The following KLF16 variants were observed in gnomAD, a reference collection of about 807,000 sequenced individuals.
KLF16 encodes KLF transcription factor 16.
A neutral mutation model predicts 6.1 loss-of-function variants in KLF16; 6 were observed. The ratio of observed to expected loss-of-function variants is 0.98; its 90% CI spans 0.54 to 1.93. The LOEUF is 1.93. KLF16 is among the 30% of genes most tolerant of loss of function. The pLI is 0.01. For synonymous variants in KLF16, 211 were observed against 176.5 expected, an observed-to-expected ratio of 1.20 and a Z score of -1.55; for missense variants, 355 against 363.8, an observed-to-expected ratio of 0.98 and a Z score of 0.20.
chr19:1,874,746 C>CAAAAAA, the KLF16 span: 261 of 41,988 alleles, frequency 6.2e-3, 26 homozygotes, highest in African/African-American at 0.012. Context: ...GTCAGAGTCC[C>CAAAAAA]AAAAAAAAAA....
At chr19:1,874,021 G>A in the KLF16 span, among the ~76,000 whole-genome samples, 1 of 152,250 alleles carries the variant, frequency 6.6e-6, no homozygotes, top group Non-Finnish European at 1.5e-5. Context: ...GGAGGGAGGG[G>A]CGGCCCCAAA....
At chr19:1,854,932 C>T (rs577626988) in intron 1 of KLF16, among the ~76,000 whole-genome samples, 172 bp from the exon 2 acceptor site, 2 of 152,220 alleles carry the variant, frequency 1.3e-5, no homozygotes, top group South Asian at 4.2e-4. Flanking sequence ...CCCTTACCCG[C>T]CCCCCGGTGG....
At chr19:1,870,770 C>T in the KLF16 span, among the ~76,000 whole-genome samples, 1 of 152,086 alleles carries the variant, frequency 6.6e-6, no homozygotes, top group East Asian at 1.9e-4. Flanking sequence ...CAGAGGCGGG[C>T]AGGTCACCTG....
intron 1 of KLF16, among the ~76,000 whole-genome samples, chr19:1,858,094 C>T (rs918955773): frequency 1.3e-5 from 2 of 152,088 alleles, no homozygotes; most frequent in African/African-American, 4.8e-5. Context: ...TTCCAAACCC[C>T]CTGCTGTTCC....
chr19:1,874,097 G>T, the KLF16 span, among the ~76,000 whole-genome samples: 1 of 152,218 alleles, frequency 6.6e-6, no homozygotes, highest in South Asian at 2.1e-4. Context: ...TGGATCAGAT[G>T]AAGTCGTCAA....
At chr19:1,876,083 G>A in the KLF16 span, 1 of 152,370 alleles carries the variant, frequency 6.6e-6, no homozygotes, top group Non-Finnish European at 1.5e-5. Flanking sequence ...ACCGGTACCT[G>A]GCTGGGTCCC....
intron 1 of KLF16, chr19:1,860,297 G>A (rs2012038870): frequency 6.6e-6 from 1 of 152,448 alleles, no homozygotes; most frequent in Non-Finnish European, 1.5e-5. Flanking sequence ...GGGAGAGAGA[G>A]CCGAGAGCTG....
intron 1 of KLF16, chr19:1,860,275 C>G (rs956380483): frequency 6.6e-6 from 1 of 152,402 alleles, no homozygotes; most frequent in African/African-American, 2.4e-5. Context: ...AGTCCTTCCC[C>G]GCCCCACGCA....
intron 1 of KLF16, among the ~76,000 whole-genome samples, chr19:1,856,955 T>TTGCC (rs2011963545): frequency 1.6e-4 from 4 of 25,512 alleles, no homozygotes; most frequent in Non-Finnish European, 3.3e-4. Context: ...GTTGCCGGGG[T>TTGCC]GGGGGGGGCG....
chr19:1,863,366 G>T lies in KLF16; in HGVS notation c.132C>A (p.Arg44=). 1 of 980,100 alleles carries T rather than the reference G, an allele frequency of 1.0e-6. No homozygotes were observed. The allele number at this position is 980,100 out of a possible 1,614,324, so 60.7% of individuals were successfully genotyped here. A position where few individuals can be genotyped will look rare whatever the true frequency, so the allele number is the denominator to read the frequency against. The change falls in exon 1 of 2, where the codon CGC becomes CGA. Residue 44 remains arginine, a synonymous_variant. Transcript: ENST00000250916. The part of the protein sequence containing the change: ...GAGPAAGLDV[R]AARREAASPG... ...GTGAGGCGGCCTCGCGGCGCGCCGC[G>T]CGCACATCCAGGCCGGCGGCGGGGC...
the KLF16 span, among the ~76,000 whole-genome samples, chr19:1,869,946 T>TC: frequency 4.2e-5 from 6 of 142,604 alleles, no homozygotes; most frequent in African/African-American, 1.7e-4. Flanking sequence ...TTTTTTTTTT[T>TC]TTTTTGAGAC....
rs1281993052 is a variant in KLF16, at chr19:1,857,163, AC to A, written c.458-2404del. The stretch of plus-strand genomic sequence containing the variant: ...CCCGCGCTTGGAGACTGAGGCGCGC[AC>A]ATGCGCACGTGGGTGGCGGGGCAGG... On this transcript the variant is annotated intron_variant, in intron 1 of 1. Coordinates refer to ENST00000250916, the MANE Select transcript of KLF16 (RefSeq NM_031918.4). The surrounding 1 kb of genome is among the most constrained non-coding windows in gnomAD (Gnocchi z 4.7). Among the ~76,000 whole-genome samples the A allele has an allele frequency of 6.6e-6, 1 of 151,960 alleles. No homozygotes were observed. The highest frequency in any genetic ancestry group is 2.4e-5 in the African/African-American group (1 of 41,292).
chr19:1,870,093 C>G, the KLF16 span, among the ~76,000 whole-genome samples: 2 of 151,548 alleles, frequency 1.3e-5, no homozygotes, highest in Admixed American at 6.6e-5. Context: ...CCACCAAACC[C>G]GGCTAATTTT....
At position 1,854,137 on chromosome 19, in the gene KLF16, G is replaced by T; in HGVS notation, c.*322C>A. On this transcript the variant is annotated 3_prime_UTR_variant, in exon 2 of 2. Coordinates refer to ENST00000250916, the MANE Select transcript of KLF16 (RefSeq NM_031918.4). ...ACTCCACCCCCCCAAACCCCACCCC[G>T]GGAGGGGGGCAGCAGGGGGTGGTGG... The T allele has an allele frequency of 3.4e-6, 1 of 296,078 alleles. No individual in the cohort carries two copies. 18.3% of individuals were successfully genotyped at this position (296,078 alleles called of 1,614,324 possible).
upstream of KLF16, among the ~76,000 whole-genome samples, chr19:1,867,075 C>G (rs1437428349): frequency 6.6e-6 from 1 of 152,192 alleles, no homozygotes; most frequent in Non-Finnish European, 1.5e-5. Context: ...ACAGACAGCA[C>G]CCAGGTGTTG....
upstream of KLF16, among the ~76,000 whole-genome samples, chr19:1,863,872 C>T (rs1019386789): frequency 7.4e-5 from 11 of 147,970 alleles, no homozygotes; most frequent in African/African-American, 2.2e-4. Context: ...GCGTCTTAGG[C>T]CCGGAGCGCG....
At chr19:1,875,580 A>G in the KLF16 span, 1 of 152,210 alleles carries the variant, frequency 6.6e-6, no homozygotes, top group African/African-American at 2.4e-5. Flanking sequence ...GTGCACCTGA[A>G]CACACTTTTG....
intron 1 of KLF16, among the ~76,000 whole-genome samples, chr19:1,856,932 CAAG>C (rs2011961734): frequency 2.2e-5 from 2 of 90,342 alleles, no homozygotes; most frequent in Admixed American, 2.7e-4. Flanking sequence ...TTCCACTTTG[CAAG>C]GAGGAGCAGG....
chr19:1,865,505 C>A (rs2012173746), upstream of KLF16, among the ~76,000 whole-genome samples: 1 of 152,242 alleles, frequency 6.6e-6, no homozygotes, highest in Admixed American at 6.5e-5. Flanking sequence ...ACCAACCAGC[C>A]CTGCCCTCAA....
Sources: gnomAD v4.1 joint callset for allele counts (sites outside exome capture counted in the v4.1 genomes callset) on GRCh38, gnomAD v4.1.1 for gene constraint, Gnocchi (gnomAD v3.1) non-coding constraint, MANE v1.5 for transcripts, NCBI Gene and HGNC (gene_info 2026-07-23, HGNC 2026-07-21) for gene names.